The following EEA1 variants were observed in gnomAD, a reference collection of about 807,000 sequenced individuals.
EEA1 encodes early endosome antigen 1, also known as early endosome antigen 1, 162kD.
A neutral mutation model predicts 209.2 loss-of-function variants in EEA1; 111 were observed. The observed-to-expected ratio is 0.53, with a 90% CI of 0.45 to 0.62. The LOEUF is 0.62. Among genes scored for constraint, EEA1 ranks in the 20% least tolerant of loss-of-function variants. The pLI is 0.00. For synonymous variants in EEA1, 536 were observed against 540.6 expected (o/e 0.99, Z 0.12); for missense variants, 1,343 against 1,530.8 (o/e 0.88, Z 2.05).
At chr12:92,909,247 A>G (rs1043860411) in intron 1 of EEA1, among the ~76,000 whole-genome samples, 1 of 152,230 alleles carries the variant, frequency 6.6e-6, no homozygotes, top group Admixed American at 6.5e-5. Context: ...TTCTAGAGAA[A>G]TGGCTGATTC....
intron 18 of EEA1, among the ~76,000 whole-genome samples, chr12:92,805,090 A>G (rs1290122905): frequency 6.6e-6 from 1 of 152,206 alleles, no homozygotes; most frequent in Non-Finnish European, 1.5e-5. Context: ...AGAAAGAACC[A>G]TTGGGCCTGC....
intron 2 of EEA1, among the ~76,000 whole-genome samples, chr12:92,887,671 C>T (rs1036617361): frequency 6.6e-6 from 1 of 151,832 alleles, no homozygotes; most frequent in Non-Finnish European, 1.5e-5. Flanking sequence ...AAAAAAAATA[C>T]CTATGATAGA....
At chr12:92,784,633 A>C (rs1189202826) in intron 22 of EEA1, among the ~76,000 whole-genome samples, 1 of 152,212 alleles carries the variant, frequency 6.6e-6, no homozygotes, top group East Asian at 1.9e-4. Flanking sequence ...GGACTGCTCC[A>C]TGAAATCCTT....
At chr12:92,892,004 C>A (rs567378775) in intron 1 of EEA1, among the ~76,000 whole-genome samples, 1 of 152,288 alleles carries the variant, frequency 6.6e-6, no homozygotes, top group East Asian at 1.9e-4. Context: ...AAAATGACAT[C>A]TCTTAAGACA....
intron 1 of EEA1, among the ~76,000 whole-genome samples, chr12:92,898,653 G>C (rs1313869451): frequency 1.5e-5 from 2 of 134,754 alleles, no homozygotes; most frequent in Admixed American, 1.5e-4. Flanking sequence ...GACAGAGCGA[G>C]ACTCCATCTC....
chr12:92,787,998 G>A lies in EEA1; in HGVS notation c.3019C>T (p.Leu1007Phe). Reference sequence around the variant, plus strand: ...GATATTTTCTCTTTCTCTGCTGCAAGTTCCTGGGCTGCCTGTGTTAACTGC... The same window carrying A: ...GATATTTTCTCTTTCTCTGCTGCAAATTCCTGGGCTGCCTGTGTTAACTGC... The part of the protein sequence containing the change: ...QQQLTQAAQE[L>F]AAEKEKISVL... The change falls in exon 22 of 29, where the codon CTT (leucine) becomes TTT (phenylalanine). Residue 1007 changes from leucine to phenylalanine, a missense_variant. Around this residue, in one of 3 missense-constraint regions of EEA1, gnomAD observed 1,307 missense variants for 1,465.5 expected, o/e 0.89. Transcript: ENST00000322349. 1 of 1,610,670 alleles carries A rather than the reference G, an allele frequency of 6.2e-7. No individual in the cohort carries two copies. Among genetic ancestry groups the A allele is most frequent in the Non-Finnish European group, 8.5e-7 (1 of 1,178,406 alleles).
chr12:92,892,903 T>C (rs543150300), intron 1 of EEA1, among the ~76,000 whole-genome samples: 2 of 152,320 alleles, frequency 1.3e-5, no homozygotes, highest in East Asian at 3.9e-4. Context: ...GTGCTGTGAT[T>C]ACAGGCATGA....
At chr12:92,783,214 G>A (rs1873984908) in intron 22 of EEA1, among the ~76,000 whole-genome samples, 1 of 152,148 alleles carries the variant, frequency 6.6e-6, no homozygotes, top group South Asian at 2.1e-4. Context: ...GCAGTCTTGG[G>A]GATTGAGCCC....
intron 3 of EEA1, chr12:92,858,803 C>T: frequency 1.3e-6 from 1 of 784,326 alleles, no homozygotes. Context: ...GATGAGGATA[C>T]AATCTACCAC....
chr12:92,838,596 G>A (rs529369446), intron 10 of EEA1, among the ~76,000 whole-genome samples: 1 of 152,116 alleles, frequency 6.6e-6, no homozygotes, highest in Non-Finnish European at 1.5e-5. Flanking sequence ...AACACCAAGA[G>A]TTGATGGGGA....
chr12:92,827,874 GC>G lies in EEA1; in HGVS notation c.1404+37del, dbSNP rs560193991. 373 of 1,470,414 alleles carry G rather than the reference GC, an allele frequency of 2.5e-4. No individual in the cohort carries two copies. The African/African-American group carries it at 4.9e-3, about 19-fold the overall frequency. 91.1% of individuals were successfully genotyped at this position (1,470,414 alleles called of 1,614,324 possible). ...GATGAATCATAATCATGTTAAAGATGCCTCAAGCCTATCAATAAATTGAAAA... is the reference window on the plus strand; with the variant it reads ...GATGAATCATAATCATGTTAAAGATGCTCAAGCCTATCAATAAATTGAAAA... On this transcript the variant is annotated intron_variant, in intron 12 of 28. Transcript: ENST00000322349.
intron 2 of EEA1, among the ~76,000 whole-genome samples, chr12:92,885,430 G>A (rs1169673962): frequency 6.6e-6 from 1 of 152,190 alleles, no homozygotes; most frequent in East Asian, 1.9e-4. Flanking sequence ...ACAAACCTCA[G>A]AGAGACAGAG....
rs145520416 is a variant in EEA1 at position 92,900,532 on chromosome 12, A to G, written c.25-8811T>C. On this transcript the variant is annotated intron_variant, in intron 1 of 28. Transcript: ENST00000322349. ...GCAAAATTCTTTCCCAAAATAATAT[A>G]ATTGAGACATGAATTTATAAATAAA... is the stretch of plus-strand genomic sequence containing the variant. Among the ~76,000 whole-genome samples, 6 of 152,194 alleles carry G rather than the reference A, an allele frequency of 3.9e-5. No homozygotes were observed. In the East Asian group the frequency reaches 1.2e-3, roughly 29 times the overall value.
intron 1 of EEA1, among the ~76,000 whole-genome samples, chr12:92,902,646 C>T (rs190879359): frequency 1.3e-3 from 200 of 149,660 alleles, no homozygotes; most frequent in African/African-American, 4.8e-3. Flanking sequence ...GACGCTGAGG[C>T]AGTAGAATCA....
Position 92,788,001 on chromosome 12 carries a change from C to A in EEA1, c.3016G>T (p.Glu1006Ter). 1 of 1,609,958 alleles carries A rather than the reference C, an allele frequency of 6.2e-7. No individual in the cohort carries two copies. Among genetic ancestry groups the A allele is most frequent in the Non-Finnish European group, 8.5e-7 (1 of 1,178,120 alleles). ...LQQQLTQAAQ[E>*]LAAEKEKISV... ...ATTTTCTCTTTCTCTGCTGCAAGTTCCTGGGCTGCCTGTGTTAACTGCTGC... is the reference window on the plus strand; with the variant it reads ...ATTTTCTCTTTCTCTGCTGCAAGTTACTGGGCTGCCTGTGTTAACTGCTGC... The change falls in exon 22 of 29, where the codon GAA (glutamate) becomes TAA (stop). Residue 1006 changes from glutamate (E) to a stop codon, truncating the protein, a stop_gained. Coordinates refer to ENST00000322349, the MANE Select transcript of EEA1 (RefSeq NM_003566.4). LOFTEE classifies it high-confidence loss of function.
intron 13 of EEA1, among the ~76,000 whole-genome samples, chr12:92,825,829 A>G (rs941135573): frequency 3.3e-5 from 5 of 150,540 alleles, no homozygotes; most frequent in Non-Finnish European, 5.9e-5. Flanking sequence ...TAATTTAAAT[A>G]AATGTATTTA....
At chr12:92,846,975 A>G (rs1041766974) in intron 9 of EEA1, among the ~76,000 whole-genome samples, 5 of 152,118 alleles carry the variant, frequency 3.3e-5, no homozygotes, top group African/African-American at 1.2e-4. Context: ...TTTTTGAGAC[A>G]GAGTCTCACT....
intron 22 of EEA1, among the ~76,000 whole-genome samples, chr12:92,783,928 G>A (rs1010346470): frequency 6.6e-6 from 1 of 151,148 alleles, no homozygotes; most frequent in Non-Finnish European, 1.5e-5. Flanking sequence ...AAAAAAAAAA[G>A]AAAGATGAAA....
intron 21 of EEA1, among the ~76,000 whole-genome samples, chr12:92,788,988 CTCTT>C (rs1874263758): frequency 6.6e-6 from 1 of 152,086 alleles, no homozygotes; most frequent in South Asian, 2.1e-4. Context: ...CATACACTCT[CTCTT>C]TAGAAGATCT....
Sources: allele counts gnomAD v4.1 joint callset (sites outside exome capture counted in the v4.1 genomes callset), GRCh38; gene constraint gnomAD v4.1.1; regional missense constraint gnomAD v4.1.1; transcripts MANE v1.5; gene names NCBI Gene and HGNC (gene_info 2026-07-23, HGNC 2026-07-21).